PCDH15: variants seen among roughly 807,000 people sequenced by gnomAD.
PCDH15 encodes protocadherin related 15, also known as protocadherin-15.
In PCDH15, 129 loss-of-function variants were observed where a neutral mutation model predicts 178.5. The observed-to-expected ratio is 0.72, with a 90% CI of 0.63 to 0.84. PCDH15 has a LOEUF of 0.84. Among genes scored for constraint, PCDH15 ranks in the 40% least tolerant of loss-of-function variants. The pLI, the probability that PCDH15 is intolerant of heterozygous loss-of-function variation, is 0.00. For synonymous variants in PCDH15, 800 were observed against 732.0 expected (o/e 1.09, Z -1.50); for missense variants, 2,230 against 2,099.9 (o/e 1.06, Z -1.21).
Position 55,554,753 on chromosome 10 carries a change from C to T in PCDH15, c.-156+72872G>A, listed in dbSNP as rs1474503833. Among the ~76,000 whole-genome samples the T allele has an allele frequency of 2.6e-5, 4 of 151,974 alleles. No homozygotes were observed. The East Asian group carries it at 7.7e-4, about 29-fold the overall frequency. On this transcript the variant is annotated intron_variant, in intron 2 of 5. Transcript: ENST00000613346. ...GAGGGACAACCATATTAACTAAAGT[C>T]CATAGTTAATTTTGATTTCCTTAGT...
At chr10:54,074,819 C>T (rs371960697) in intron 17 of PCDH15, among the ~76,000 whole-genome samples, 1 of 152,118 alleles carries the variant, frequency 6.6e-6, no homozygotes, top group South Asian at 2.1e-4. Context: ...CAATAGTGCA[C>T]AAGGGTTCCA....
At chr10:54,478,287 A>G (rs1385061459) in intron 3 of PCDH15, among the ~76,000 whole-genome samples, 1 of 152,118 alleles carries the variant, frequency 6.6e-6, no homozygotes, top group Non-Finnish European at 1.5e-5. Flanking sequence ...ATGAAATAAG[A>G]CATTTTAAAA....
At chr10:54,988,669 T>A (rs1475107696) in intron 2 of PCDH15, among the ~76,000 whole-genome samples, 1 of 152,132 alleles carries the variant, frequency 6.6e-6, no homozygotes, top group Admixed American at 6.6e-5. Flanking sequence ...CAGAAGAAAT[T>A]TCTAAGCAGC....
intron 7 of PCDH15, among the ~76,000 whole-genome samples, chr10:54,326,834 ATTTG>A (rs1465994123): frequency 1.3e-5 from 2 of 152,288 alleles, no homozygotes; most frequent in Non-Finnish European, 2.9e-5. Context: ...TATTAAAATT[ATTTG>A]TTCTTAAAAC....
chr10:54,655,256 A>AAGAGAGAGAG (rs1173377441), intron 2 of PCDH15, among the ~76,000 whole-genome samples: 1,253 of 48,472 alleles, frequency 0.026, 81 homozygotes, highest in East Asian at 0.045. Context: ...GAAAGAAAGA[A>AAGAGAGAGAG]AGAGAGAGAG....
At chr10:55,094,929 C>T (rs74940164) in intron 2 of PCDH15, among the ~76,000 whole-genome samples, 18 of 130,352 alleles carry the variant, frequency 1.4e-4, no homozygotes, top group African/African-American at 3.5e-4. Context: ...TATCCAAATT[C>T]TTTTTTTTTT....
At chr10:54,033,411 CA>C (rs1349688030) in intron 18 of PCDH15, among the ~76,000 whole-genome samples, 1 of 151,876 alleles carries the variant, frequency 6.6e-6, no homozygotes, top group Non-Finnish European at 1.5e-5. Flanking sequence ...TGATTTTCCA[CA>C]TTGGAAATGA....
At chr10:54,734,674 GA>G (rs1566076934) in intron 1 of PCDH15, among the ~76,000 whole-genome samples, 1 of 151,836 alleles carries the variant, frequency 6.6e-6, no homozygotes, top group African/African-American at 2.4e-5. Context: ...CTAATAAAAA[GA>G]AAAATGAGCT....
At chr10:53,836,976 A>G (rs1407839178) in intron 29 of PCDH15, among the ~76,000 whole-genome samples, 1 of 152,182 alleles carries the variant, frequency 6.6e-6, no homozygotes. Flanking sequence ...TAAAAAGATA[A>G]AAAGATGAAG....
At chr10:55,261,013 T>C (rs927274122) in intron 1 of PCDH15, among the ~76,000 whole-genome samples, 1 of 152,138 alleles carries the variant, frequency 6.6e-6, no homozygotes, top group Non-Finnish European at 1.5e-5. Flanking sequence ...TCTGGGGTAA[T>C]GTGATGGTCC....
At chr10:54,865,186 T>C in intron 3 of PCDH15, among the ~76,000 whole-genome samples, 1 of 152,180 alleles carries the variant, frequency 6.6e-6, no homozygotes, top group South Asian at 2.1e-4. Context: ...AGCCTCACTC[T>C]GGGTAGGCAC....
intron 3 of PCDH15, among the ~76,000 whole-genome samples, chr10:54,517,040 C>T (rs1197945602): frequency 2.7e-4 from 41 of 152,054 alleles, no homozygotes; most frequent in African/African-American, 8.4e-4. Flanking sequence ...AGGCCTGCCC[C>T]AAAAGAGCTC....
At position 53,884,732 on chromosome 10, in the gene PCDH15, C is replaced by T. The variant is rs183473878; in HGVS notation, c.3502-17875G>A. On this transcript the variant is annotated intron_variant, in intron 26 of 37. Coordinates refer to ENST00000644397, the MANE Select transcript of PCDH15 (RefSeq NM_001384140.1). ...AGGACAAAGCAGAAGACAAAACTGG[C>T]AGGACACAGAGTTGCTTGTATCCTT... 2.0e-5 allele frequency among the ~76,000 whole-genome samples: 3 copies of T among 152,242 alleles called. No individual in the cohort carries two copies. In the East Asian group the frequency reaches 5.8e-4, roughly 29 times the overall value.
At chr10:54,135,859 G>A (rs1175438765) in intron 14 of PCDH15, among the ~76,000 whole-genome samples, 1 of 151,782 alleles carries the variant, frequency 6.6e-6, no homozygotes, top group Non-Finnish European at 1.5e-5. Flanking sequence ...ATAATAAGTG[G>A]GAATAATAAT....
intron 5 of PCDH15, among the ~76,000 whole-genome samples, chr10:54,349,845 T>C (rs11004248): frequency 0.28 from 42,668 of 152,062 alleles, 7,535 homozygotes; most frequent in Non-Finnish European, 0.4. Context: ...ATCCAAAGAG[T>C]AATTCAATTT....
At position 53,961,736 on chromosome 10, in the gene PCDH15, GAA is replaced by G. The variant is rs2088341390; in HGVS notation, c.3009+14_3009+15del. 1 of 1,591,402 alleles carries G rather than the reference GAA, an allele frequency of 6.3e-7. No individual in the cohort carries two copies. Among genetic ancestry groups the G allele is most frequent in the African/African-American group, 1.3e-5 (1 of 74,434 alleles). On this transcript the variant is annotated intron_variant, in intron 22 of 37. Transcript: ENST00000644397. ...TTAAACATCAAATAGACCACATAAT[GAA>G]AAGAGACACTGACCTTAAAAATTGT...
chr10:54,878,388 T>C (rs1030078520), intron 3 of PCDH15, among the ~76,000 whole-genome samples: 15 of 152,150 alleles, frequency 9.9e-5, no homozygotes, highest in Non-Finnish European at 2.1e-4. Flanking sequence ...TGTTGTTATT[T>C]ACAAATACAA....
chr10:55,077,448 TTCC>T (rs1168502354), intron 2 of PCDH15, among the ~76,000 whole-genome samples: 7 of 143,896 alleles, frequency 4.9e-5, no homozygotes, highest in African/African-American at 1.6e-4. Context: ...TCTTCCTTCC[TTCC>T]CTTCCTTCCT....
chr10:55,068,793 G>A lies in PCDH15; in HGVS notation c.-80+97783C>T, dbSNP rs185464887. On this transcript the variant is annotated intron_variant, in intron 2 of 5. Transcript: ENST00000458638. ...ATTGTGTGTGTGTGTGTGCGTGCAC[G>A]TGTGTGTGTTCCCTACAGATCTCTT... Among the ~76,000 whole-genome samples, 12 of 151,814 alleles carry A rather than the reference G, an allele frequency of 7.9e-5. No homozygotes were observed. In the East Asian group the frequency reaches 9.7e-4, roughly 12 times the overall value.
Sources: allele counts gnomAD v4.1 joint callset (sites outside exome capture counted in the v4.1 genomes callset), GRCh38; gene constraint gnomAD v4.1.1; transcripts MANE v1.5; gene names NCBI Gene and HGNC (gene_info 2026-07-23, HGNC 2026-07-21).